DSE: variants seen among roughly 807,000 people sequenced by gnomAD.
DSE encodes the protein dermatan sulfate epimerase, also known as dermatan-sulfate epimerase.
Under a neutral mutation model 84.4 loss-of-function variants are expected in DSE, and 36 were observed. The observed-to-expected ratio is 0.43, with a 90% confidence interval of 0.33 to 0.56. DSE has a LOEUF of 0.56. Among genes scored for constraint, DSE ranks in the 20% least tolerant of loss-of-function variants. The pLI is 0.06. For missense variants in DSE, 862 were observed against 1,169.6 expected (o/e 0.74, Z 3.84); for synonymous variants, 410 against 430.1 (o/e 0.95, Z 0.58).
chr6:116,321,255 T>C (rs1342234695), intron 2 of DSE, among the ~76,000 whole-genome samples: 2 of 966 alleles, frequency 2.1e-3, no homozygotes, highest in African/African-American at 6.4e-3. Flanking sequence ...CTCACTGCAG[T>C]CTTGAACACC....
At chr6:116,361,220 T>C (rs1195588471) in intron 2 of DSE, among the ~76,000 whole-genome samples, 1 of 151,960 alleles carries the variant, frequency 6.6e-6, no homozygotes, top group Non-Finnish European at 1.5e-5. Context: ...CCACCACGCC[T>C]GGGTAACTTT....
At chr6:116,390,021 AG>A (rs1780798843) in intron 1 of DSE, among the ~76,000 whole-genome samples, 1 of 150,880 alleles carries the variant, frequency 6.6e-6, no homozygotes, top group African/African-American at 2.4e-5. Context: ...GGGAAGGTAT[AG>A]ATTTTCTTGC....
At chr6:116,294,422 A>G (rs898855772) in intron 2 of DSE, among the ~76,000 whole-genome samples, 2 of 152,250 alleles carry the variant, frequency 1.3e-5, no homozygotes, top group African/African-American at 4.8e-5. Context: ...TTGTATTGAC[A>G]GTAACAGATT....
At chr6:116,256,616 A>G (rs1293501759) in intron 1 of DSE, 1 of 152,204 alleles carries the variant, frequency 6.6e-6, no homozygotes, top group Non-Finnish European at 1.5e-5. Flanking sequence ...TAATGACTGC[A>G]TAGCAGCTTC....
At chr6:116,374,785 C>A (rs910416660) in intron 1 of DSE, among the ~76,000 whole-genome samples, 13 of 152,076 alleles carry the variant, frequency 8.5e-5, no homozygotes, top group African/African-American at 3.1e-4. Context: ...CGTGATTACC[C>A]ATGAATCCAT....
chr6:116,342,298 G>A lies in DSE; in HGVS notation c.-53-56900G>A, dbSNP rs1182804266. Among the ~76,000 whole-genome samples the A allele has an allele frequency of 1.9e-3, 128 of 68,806 alleles. 1 individual carries two copies. The highest frequency in any genetic ancestry group is 9.2e-3 in the African/African-American group (120 of 13,010). 45.1% of individuals were successfully genotyped at this position (68,806 alleles called of 152,430 possible). A position where few individuals can be genotyped will look rare whatever the true frequency, so the allele number is the denominator to read the frequency against. ...TTGTTGCTGTTTTTTTTTTTTTTTC[G>A]AGATGGAGTCTTGCTCTCTTGCCCA... On this transcript the variant is annotated intron_variant, in intron 2 of 3. Transcript: ENST00000430252.
chr6:116,359,410 A>G (rs1028152746), intron 2 of DSE, among the ~76,000 whole-genome samples: 20 of 152,178 alleles, frequency 1.3e-4, no homozygotes, highest in Non-Finnish European at 2.2e-4. Flanking sequence ...GGGGGTAATC[A>G]TAAGTCTTAA....
intron 2 of DSE, among the ~76,000 whole-genome samples, chr6:116,320,888 G>A (rs1447578307): frequency 6.6e-6 from 1 of 152,160 alleles, no homozygotes; most frequent in Non-Finnish European, 1.5e-5. Flanking sequence ...CTAGGGCTTA[G>A]CATTTCAATA....
At chr6:116,393,488 C>G (rs1781041495) in intron 1 of DSE, among the ~76,000 whole-genome samples, 1 of 152,202 alleles carries the variant, frequency 6.6e-6, no homozygotes, top group Non-Finnish European at 1.5e-5. Context: ...TATAATCTTG[C>G]AGGTCTGAAA....
chr6:116,388,454 C>A (rs975635137), intron 1 of DSE, among the ~76,000 whole-genome samples: 4 of 152,138 alleles, frequency 2.6e-5, no homozygotes, highest in Non-Finnish European at 5.9e-5. Context: ...TACTTGTGTA[C>A]CCTGTGATTC....
intron 2 of DSE, among the ~76,000 whole-genome samples, chr6:116,314,551 T>C (rs960995578): frequency 6.6e-6 from 1 of 152,232 alleles, no homozygotes; most frequent in East Asian, 1.9e-4. Flanking sequence ...TCCTGACTTC[T>C]GGTCTCCTGT....
chr6:116,347,445 A>G (rs968978465), intron 2 of DSE, among the ~76,000 whole-genome samples: 1 of 152,162 alleles, frequency 6.6e-6, no homozygotes, highest in Admixed American at 6.5e-5. Context: ...CAAAACAGAG[A>G]TATAGACCAA....
At chr6:116,417,624 C>T (rs1460123074) in intron 2 of DSE, among the ~76,000 whole-genome samples, 1 of 151,788 alleles carries the variant, frequency 6.6e-6, no homozygotes, top group East Asian at 1.9e-4. Context: ...ATATTAAATC[C>T]AGTGATTTAA....
At chr6:116,301,127 A>G (rs1226505961) in intron 2 of DSE, among the ~76,000 whole-genome samples, 1 of 145,674 alleles carries the variant, frequency 6.9e-6, no homozygotes, top group Non-Finnish European at 1.5e-5. Context: ...AGGGTGAAAG[A>G]TTTTAGAGTG....
intron 2 of DSE, among the ~76,000 whole-genome samples, chr6:116,291,330 G>T (rs1409929029): frequency 6.6e-6 from 1 of 151,904 alleles, no homozygotes; most frequent in Non-Finnish European, 1.5e-5. Context: ...AAGAGAGCTT[G>T]GTAAGAATTC....
At chr6:116,313,029 C>G (rs956640373) in intron 2 of DSE, among the ~76,000 whole-genome samples, 6 of 152,136 alleles carry the variant, frequency 3.9e-5, no homozygotes, top group African/African-American at 1.4e-4. Flanking sequence ...GATATAATTA[C>G]TTAAGATGAA....
intron 2 of DSE, among the ~76,000 whole-genome samples, chr6:116,323,677 A>C (rs951646150): frequency 1.3e-5 from 2 of 152,226 alleles, no homozygotes; most frequent in African/African-American, 4.8e-5. Flanking sequence ...TTCTGAAGAA[A>C]GTTTTGAAAA....
intron 2 of DSE, among the ~76,000 whole-genome samples, chr6:116,263,010 C>T (rs572114587): frequency 6.6e-6 from 1 of 152,252 alleles, no homozygotes; most frequent in East Asian, 1.9e-4. Context: ...TTGGCATTTG[C>T]TGATGAGTGT....
intron 2 of DSE, among the ~76,000 whole-genome samples, chr6:116,308,851 G>T (rs1043329958): frequency 6.6e-6 from 1 of 151,916 alleles, no homozygotes; most frequent in African/African-American, 2.4e-5. Context: ...CTAATTTTTT[G>T]TGCTGGGATT....
Sources: gnomAD v4.1 joint callset for allele counts (sites outside exome capture counted in the v4.1 genomes callset) on GRCh38, gnomAD v4.1.1 for gene constraint, MANE v1.5 for transcripts, NCBI Gene and HGNC (gene_info 2026-07-23, HGNC 2026-07-21) for gene names.